Variants in LRRC72 observed in about 807,000 individuals in gnomAD.
The protein encoded by LRRC72 is leucine rich repeat containing 72.
A neutral mutation model predicts 35.8 loss-of-function variants in LRRC72; 41 were observed. The observed-to-expected ratio is 1.15, with a 90% CI of 0.89 to 1.49. The LOEUF (loss-of-function observed/expected upper bound fraction) is 1.49, where lower values mean the gene tolerates loss of function less well. LRRC72 is among the 40% of genes most tolerant of loss of function. LRRC72 has a pLI of 0.00. For synonymous variants in LRRC72, 118 were observed against 119.2 expected, an observed-to-expected ratio of 0.99 and a Z score of 0.07; for missense variants, 389 against 330.7, an observed-to-expected ratio of 1.18 and a Z score of -1.37.
At chr7:16,565,801 G>C (rs747578760) in intron 5 of LRRC72, among the ~76,000 whole-genome samples, 7 of 152,186 alleles carry the variant, frequency 4.6e-5, no homozygotes. Flanking sequence ...GAGATCTGAA[G>C]CTACTATTGA....
chr7:16,554,403 T>A (rs949357777), intron 3 of LRRC72, among the ~76,000 whole-genome samples: 1 of 152,220 alleles, frequency 6.6e-6, no homozygotes, highest in African/African-American at 2.4e-5. Flanking sequence ...TATCTTATAA[T>A]GTTCCTGACC....
intron 2 of LRRC72, among the ~76,000 whole-genome samples, chr7:16,535,909 G>T (rs1422288954): frequency 2.6e-5 from 4 of 152,190 alleles, no homozygotes; most frequent in Non-Finnish European, 5.9e-5. Flanking sequence ...TTTTGCTCTT[G>T]TCACCCAGGC....
intron 5 of LRRC72, among the ~76,000 whole-genome samples, chr7:16,565,225 C>G (rs944191163): frequency 5.9e-5 from 9 of 152,136 alleles, no homozygotes; most frequent in Non-Finnish European, 1.3e-4. Context: ...ACGAGGTCAG[C>G]AGTTCGAGAC....
At chr7:16,541,229 G>A (rs1782351865) in intron 3 of LRRC72, among the ~76,000 whole-genome samples, 1 of 152,176 alleles carries the variant, frequency 6.6e-6, no homozygotes, top group South Asian at 2.1e-4. Context: ...CCGACAGCTT[G>A]TATTTGTTCA....
rs149993363 is a variant in LRRC72 at position 16,570,574 on chromosome 7, T to A, written c.670+3031T>A. Among the ~76,000 whole-genome samples, 998 of 152,264 alleles carry A rather than the reference T, an allele frequency of 6.6e-3. 13 individuals carry two copies. Among genetic ancestry groups the A allele is most frequent in the African/African-American group, 0.023 (937 of 41,552 alleles). On this transcript the variant is annotated intron_variant, in intron 7 of 8. Coordinates refer to ENST00000401542, the MANE Select transcript of LRRC72 (RefSeq NM_001195280.2). ...TGGCTCATACCTGTAATCCCAGCAC[T>A]TTGGGAGGGCTAGGTGGGCGGATCA... is the stretch of plus-strand genomic sequence containing the variant.
At chr7:16,527,202 A>T (rs774941054) in intron 1 of LRRC72, among the ~76,000 whole-genome samples, 160 bp downstream of exon 1, 2 of 152,164 alleles carry the variant, frequency 1.3e-5, no homozygotes, top group African/African-American at 4.8e-5. Context: ...TGGTTAACAT[A>T]AAAGGAGAAC....
intron 3 of LRRC72, among the ~76,000 whole-genome samples, chr7:16,553,798 G>T (rs1433820704): frequency 6.6e-6 from 1 of 152,070 alleles, no homozygotes; most frequent in African/African-American, 2.4e-5. Context: ...ATTCATGGTG[G>T]TATACATTTG....
intron 2 of LRRC72, 112 bp from the exon 3 acceptor site, chr7:16,537,515 A>G: frequency 2.0e-6 from 1 of 498,364 alleles, no homozygotes; most frequent in South Asian, 4.3e-5. Flanking sequence ...TAATTTTGAA[A>G]GGACAAAGAG....
rs575332875 is a variant in LRRC72, at chr7:16,571,386, C to T, written c.670+3843C>T. ...AGATATTAAGTCTGATAAATATTTA[C>T]GGTTGTGGTGGCCGGCAAGATGGCC... On this transcript the variant is annotated intron_variant, in intron 7 of 8. Coordinates refer to ENST00000401542, the MANE Select transcript of LRRC72 (RefSeq NM_001195280.2). Among the ~76,000 whole-genome samples the T allele has an allele frequency of 2.6e-5, 4 of 152,206 alleles. No homozygotes were observed. The South Asian group carries it at 6.2e-4, about 24-fold the overall frequency.
chr7:16,541,574 G>T (rs560585156), intron 3 of LRRC72, among the ~76,000 whole-genome samples: 1 of 152,212 alleles, frequency 6.6e-6, no homozygotes, highest in South Asian at 2.1e-4. Context: ...GGAATGGAAA[G>T]TGCACACTCC....
At chr7:16,581,262 A>C in intron 8 of LRRC72, 62 bp from the exon 9 acceptor site, 1 of 1,378,520 alleles carries the variant, frequency 7.3e-7, no homozygotes, top group South Asian at 1.7e-5. Context: ...TAAAAATTTC[A>C]TTTTGGTCAA....
intron 7 of LRRC72, among the ~76,000 whole-genome samples, chr7:16,573,926 G>A (rs901175948): frequency 6.6e-6 from 1 of 152,116 alleles, no homozygotes; most frequent in African/African-American, 2.4e-5. Context: ...CTAATATCCG[G>A]AATCTACAAG....
At chr7:16,566,825 C>A (rs78136533) in intron 6 of LRRC72, among the ~76,000 whole-genome samples, 2,981 of 152,154 alleles carry the variant, frequency 0.02, 151 homozygotes, top group East Asian at 0.19. Flanking sequence ...TTGAAACATA[C>A]AATGAATGAT....
At chr7:16,532,366 T>C (rs1051615720) in intron 1 of LRRC72, 129 bp from the exon 2 acceptor site, 7 of 654,992 alleles carry the variant, frequency 1.1e-5, no homozygotes, top group African/African-American at 9.1e-5. Context: ...AATTTATCAG[T>C]TTAGAATGGT....
intron 2 of LRRC72, among the ~76,000 whole-genome samples, chr7:16,536,141 G>A (rs1324766333): frequency 6.6e-6 from 1 of 152,062 alleles, no homozygotes; most frequent in Non-Finnish European, 1.5e-5. Flanking sequence ...CCAAAGTGCT[G>A]GGATTACAGG....
At chr7:16,541,944 G>GACAGACACACACACACACACAC (rs1554393676) in intron 3 of LRRC72, among the ~76,000 whole-genome samples, 2 of 149,364 alleles carry the variant, frequency 1.3e-5, no homozygotes, top group African/African-American at 4.9e-5. Flanking sequence ...CAGACAGACA[G>GACAGACACACACACACACACAC]ACACACACAC....
chr7:16,563,178 G>T (rs1169943640), intron 5 of LRRC72, among the ~76,000 whole-genome samples: 1 of 152,000 alleles, frequency 6.6e-6, no homozygotes, highest in East Asian at 1.9e-4. Context: ...AACTTTCTTC[G>T]AAGGCAGCCT....
At chr7:16,575,091 C>T (rs578138284) in intron 7 of LRRC72, among the ~76,000 whole-genome samples, 2 of 132,616 alleles carry the variant, frequency 1.5e-5, no homozygotes, top group East Asian at 2.7e-4. Context: ...CTTTAGCCTG[C>T]GTGACAGAGT....
intron 7 of LRRC72, among the ~76,000 whole-genome samples, chr7:16,568,246 G>GGTGGCTGGTA: frequency 1.3e-5 from 2 of 152,094 alleles, no homozygotes; most frequent in South Asian, 2.1e-4. Context: ...GGTGGCTGGT[G>GGTGGCTGGTA]TACCCCCAAG....
Sources: allele counts gnomAD v4.1 joint callset (sites outside exome capture counted in the v4.1 genomes callset), GRCh38; gene constraint gnomAD v4.1.1; transcripts MANE v1.5; gene names NCBI Gene and HGNC (gene_info 2026-07-23, HGNC 2026-07-21).